NFAM1: variants seen among roughly 807,000 people sequenced by gnomAD.
NFAM1 encodes the protein NFAT activation molecule 1.
Under a neutral mutation model 29.0 loss-of-function variants are expected in NFAM1, and 17 were observed. The observed-to-expected ratio is 0.59, with a 90% CI of 0.40 to 0.88. The LOEUF (loss-of-function observed/expected upper bound fraction) is 0.88. Ranked by LOEUF, NFAM1 falls within the 40% of genes least tolerant of loss-of-function variation. NFAM1 has a pLI of 0.00. For missense variants in NFAM1, 324 were observed against 344.6 expected (o/e 0.94, Z 0.47); for synonymous variants, 175 against 147.2 (o/e 1.19, Z -1.36).
chr22:42,416,357 T>C (rs1391334381), intron 1 of NFAM1, among the ~76,000 whole-genome samples: 2 of 151,442 alleles, frequency 1.3e-5, no homozygotes, highest in African/African-American at 4.9e-5. Flanking sequence ...ACAGAGATCA[T>C]GAGTGGTGGG....
intron 4 of NFAM1, among the ~76,000 whole-genome samples, chr22:42,390,781 C>T (rs1929308747): frequency 7.0e-6 from 1 of 143,612 alleles, no homozygotes; most frequent in Non-Finnish European, 1.5e-5. Context: ...TGTGCCACTG[C>T]ACTCAAGCCT....
At chr22:42,418,668 G>A (rs1930338561) in intron 1 of NFAM1, among the ~76,000 whole-genome samples, 1 of 152,136 alleles carries the variant, frequency 6.6e-6, no homozygotes, top group South Asian at 2.1e-4. Flanking sequence ...ACTCCAGCCT[G>A]GGTGACAAGA....
At chr22:42,420,011 T>TTTTTTC (rs1930389810) in intron 1 of NFAM1, among the ~76,000 whole-genome samples, 1 of 138,762 alleles carries the variant, frequency 7.2e-6, no homozygotes, top group Non-Finnish European at 1.6e-5. Flanking sequence ...TTTTTTTTTT[T>TTTTTTC]TTTTTTTTTT....
upstream of NFAM1, among the ~76,000 whole-genome samples, chr22:42,432,595 C>A (rs1429502551): frequency 5.9e-5 from 9 of 152,208 alleles, no homozygotes; most frequent in Non-Finnish European, 5.9e-5. Context: ...CCTCCCCACT[C>A]CAACCCCTGG....
Position 42,411,383 on chromosome 22 carries a change from GAAGAGCCACAGAGGAAGCCTTACCT to G in NFAM1, c.450_451+23del. Reference sequence around the variant, plus strand: ...TGAAACCTCTGTGTCCTTTGCCCTGGAAGAGCCACAGAGGAAGCCTTACCTCTGACCAGGATGAAGGTGCCGCTGC... The same window carrying G: ...TGAAACCTCTGTGTCCTTTGCCCTGGCTGACCAGGATGAAGGTGCCGCTGC... On this transcript the variant is annotated splice_donor_variant and splice_donor_5th_base_variant and coding_sequence_variant and intron_variant, in exon 2 of 6. Coordinates refer to ENST00000329021, the MANE Select transcript of NFAM1 (RefSeq NM_145912.8). LOFTEE classifies it high-confidence loss of function. 6.3e-7 allele frequency: 1 copy of G among 1,575,624 alleles called. No homozygotes were observed. Among genetic ancestry groups the G allele is most frequent in the Non-Finnish European group, 8.7e-7 (1 of 1,149,494 alleles).
intron 1 of NFAM1, among the ~76,000 whole-genome samples, chr22:42,424,223 G>A (rs1445475425): frequency 1.3e-5 from 2 of 152,182 alleles, no homozygotes; most frequent in East Asian, 1.9e-4. Context: ...AGACCATCCT[G>A]GCTAACACGG....
At chr22:42,385,631 C>G (rs929124682) in intron 5 of NFAM1, among the ~76,000 whole-genome samples, 3 of 151,750 alleles carry the variant, frequency 2.0e-5, no homozygotes, top group African/African-American at 7.3e-5. Flanking sequence ...AGAAGAACAC[C>G]CCTCACAACA....
chr22:42,437,720 C>G, the NFAM1 span, among the ~76,000 whole-genome samples: 2 of 152,202 alleles, frequency 1.3e-5, no homozygotes, highest in Admixed American at 1.3e-4. Flanking sequence ...CTTCTTCCCC[C>G]TCTAGGGGTC....
Position 42,415,753 on chromosome 22 carries a change from G to A in NFAM1, c.122-4017C>T, listed in dbSNP as rs558774902. On this transcript the variant is annotated intron_variant, in intron 1 of 5. Transcript: ENST00000329021. ...CCCTAGTTGGCTGCCAACTAGAAGC[G>A]GTCCCCCGTGAAGGCACAGTGCTGA... Among the ~76,000 whole-genome samples the A allele has an allele frequency of 4.6e-5, 7 of 152,258 alleles. No individual in the cohort carries two copies. The South Asian group carries it at 6.2e-4, about 14-fold the overall frequency.
chr22:42,429,636 A>AAAT (rs1930732047), intron 1 of NFAM1, among the ~76,000 whole-genome samples: 5 of 152,152 alleles, frequency 3.3e-5, no homozygotes, highest in Admixed American at 6.5e-5. Context: ...AATAAATAAA[A>AAAT]AATCAAACTG....
At chr22:42,414,519 T>C (rs1240699535) in intron 1 of NFAM1, among the ~76,000 whole-genome samples, 1 of 151,902 alleles carries the variant, frequency 6.6e-6, no homozygotes, top group Non-Finnish European at 1.5e-5. Context: ...CAGAAGGACC[T>C]CTTGAAGCCA....
chr22:42,430,136 C>T (rs1006692788), intron 1 of NFAM1, among the ~76,000 whole-genome samples: 10 of 151,858 alleles, frequency 6.6e-5, no homozygotes, highest in East Asian at 1.9e-4. Context: ...TGGTGGCACA[C>T]GCTGTGGTTC....
intron 1 of NFAM1, among the ~76,000 whole-genome samples, chr22:42,412,746 C>G (rs962455653): frequency 6.6e-6 from 1 of 152,216 alleles, no homozygotes. Context: ...AAACCTCTCC[C>G]GGACTCTGGG....
chr22:42,391,894 G>A (rs1454643743), intron 4 of NFAM1, among the ~76,000 whole-genome samples: 3 of 142,456 alleles, frequency 2.1e-5, no homozygotes, highest in South Asian at 4.4e-4. Context: ...GCAGTGAGCC[G>A]AGATCACGCC....
intron 1 of NFAM1, among the ~76,000 whole-genome samples, chr22:42,423,156 C>T (rs940118508): frequency 1.4e-5 from 2 of 147,544 alleles, no homozygotes; most frequent in Admixed American, 1.4e-4. Context: ...AACAGACCCC[C>T]CAGAGAGTGC....
rs1226098605 is a variant in NFAM1, at chr22:42,388,125, A to G, written c.664-1047T>C. On this transcript the variant is annotated intron_variant, in intron 4 of 5. Transcript: ENST00000329021. This position sits in a 1 kb window ranked among gnomAD's most constrained non-coding sequence, Gnocchi z 4.1. ...GGCCCACTCACTCTTGGCCCAGCTA[A>G]GAAAGGCCTAGCCAGAGACCTCAGG... Among the ~76,000 whole-genome samples the G allele has an allele frequency of 6.6e-6, 1 of 152,236 alleles. No homozygotes were observed. Among genetic ancestry groups the G allele is most frequent in the African/African-American group, 2.4e-5 (1 of 41,468 alleles).
chr22:42,431,297 T>C (rs562803055), intron 1 of NFAM1, among the ~76,000 whole-genome samples: 5 of 152,250 alleles, frequency 3.3e-5, no homozygotes, highest in African/African-American at 1.2e-4. Flanking sequence ...TGCTAAGGGC[T>C]CCATAAAGCC....
chr22:42,430,697 G>C (rs980519994), intron 1 of NFAM1, among the ~76,000 whole-genome samples: 2 of 152,092 alleles, frequency 1.3e-5, no homozygotes, highest in African/African-American at 4.8e-5. Flanking sequence ...TACCGGGTGG[G>C]AGGGGGTGGC....
intron 4 of NFAM1, among the ~76,000 whole-genome samples, chr22:42,389,214 A>T (rs1048221590): frequency 8.5e-5 from 13 of 152,134 alleles, no homozygotes; most frequent in Non-Finnish European, 1.9e-4. Flanking sequence ...GAGCCCAGAG[A>T]GGGCAGGTGA....
Sources: allele counts gnomAD v4.1 joint callset (sites outside exome capture counted in the v4.1 genomes callset), GRCh38; gene constraint gnomAD v4.1.1; non-coding constraint Gnocchi (gnomAD v3.1); transcripts MANE v1.5; gene names NCBI Gene and HGNC (gene_info 2026-07-23, HGNC 2026-07-21).